SORCS2: variants seen among roughly 807,000 people sequenced by gnomAD.
SORCS2 encodes the protein sortilin related VPS10 domain containing receptor 2.
A neutral mutation model predicts 141.6 loss-of-function variants in SORCS2; 100 were observed. The observed-to-expected ratio is 0.71, with a 90% CI of 0.60 to 0.83. SORCS2 has a LOEUF of 0.83. Among genes scored for constraint, SORCS2 ranks in the 40% least tolerant of loss-of-function variants. SORCS2 has a pLI of 0.00. For missense variants in SORCS2, 1,646 were observed against 1,560.2 expected (o/e 1.05, Z -0.93); for synonymous variants, 789 against 676.9 (o/e 1.17, Z -2.57).
intron 1 of SORCS2, among the ~76,000 whole-genome samples, chr4:7,378,374 G>C (rs1040972096): frequency 2.0e-5 from 3 of 150,802 alleles, no homozygotes; most frequent in Admixed American, 2.0e-4. Flanking sequence ...AATTTATAAA[G>C]AAAAGAGGGA....
chr4:7,292,949 G>C (rs1310803948), intron 1 of SORCS2, among the ~76,000 whole-genome samples: 2 of 152,234 alleles, frequency 1.3e-5, no homozygotes, highest in African/African-American at 4.8e-5. Context: ...GATAGTGTCT[G>C]CTGGGTTACC....
intron 2 of SORCS2, among the ~76,000 whole-genome samples, chr4:7,459,848 C>T (rs542190093): frequency 6.6e-6 from 1 of 152,322 alleles, no homozygotes; most frequent in African/African-American, 2.4e-5. Flanking sequence ...CCAGGGCCAT[C>T]CACTTTGGGG....
At chr4:7,304,829 C>T (rs1717674973) in intron 1 of SORCS2, among the ~76,000 whole-genome samples, 1 of 152,204 alleles carries the variant, frequency 6.6e-6, no homozygotes. Context: ...GCTTCCTGCT[C>T]CCTCTTCTCC....
intron 12 of SORCS2, among the ~76,000 whole-genome samples, chr4:7,698,786 G>A (rs1476603868): frequency 1.3e-5 from 2 of 152,246 alleles, no homozygotes; most frequent in African/African-American, 4.8e-5. Flanking sequence ...CCTGGCTGGC[G>A]GTACAGGACA....
rs145920180 is a variant in SORCS2 at position 7,426,989 on chromosome 4, G to C, written c.548+30634G>C. Among the ~76,000 whole-genome samples the C allele has an allele frequency of 5.3e-3, 811 of 152,310 alleles. 5 individuals are homozygous for C. The highest frequency in any genetic ancestry group is 0.019 in the African/African-American group (786 of 41,566). On this transcript the variant is annotated intron_variant, in intron 2 of 26. Coordinates refer to ENST00000507866, the MANE Select transcript of SORCS2 (RefSeq NM_020777.3). ...TTCCTGGGGCAGCCATGGAGGCTGG[G>C]CCCCTCCCACCAAGGAAGGGCTTAG...
At chr4:7,598,717 A>G (rs1384156176) in intron 3 of SORCS2, among the ~76,000 whole-genome samples, 1 of 152,172 alleles carries the variant, frequency 6.6e-6, no homozygotes, top group Non-Finnish European at 1.5e-5. Context: ...ACCTCACGCA[A>G]TGGCTTCTGT....
At chr4:7,400,845 AGATGGATG>A (rs914997280) in intron 2 of SORCS2, among the ~76,000 whole-genome samples, 1 of 144,132 alleles carries the variant, frequency 6.9e-6, no homozygotes, top group Non-Finnish European at 1.5e-5. Context: ...GTGGATGGGG[AGATGGATG>A]GATGGATGGA....
At chr4:7,298,396 C>T (rs1024711426) in intron 1 of SORCS2, among the ~76,000 whole-genome samples, 2 of 152,148 alleles carry the variant, frequency 1.3e-5, no homozygotes, top group African/African-American at 4.8e-5. Flanking sequence ...GGAGTAATTT[C>T]AGAGGCCAGG....
intron 1 of SORCS2, among the ~76,000 whole-genome samples, chr4:7,379,471 T>A (rs1378951278): frequency 6.6e-6 from 1 of 152,186 alleles, no homozygotes; most frequent in African/African-American, 2.4e-5. Context: ...GTTGTGCACA[T>A]GGAAAGGCTG....
At chr4:7,677,858 C>G (rs1035174927) in intron 9 of SORCS2, among the ~76,000 whole-genome samples, 2 of 152,220 alleles carry the variant, frequency 1.3e-5, no homozygotes, top group East Asian at 1.9e-4. Flanking sequence ...CGCCCACCCC[C>G]ACCCCTAGTG....
chr4:7,253,567 G>T (rs537042156), intron 1 of SORCS2, among the ~76,000 whole-genome samples: 2 of 152,218 alleles, frequency 1.3e-5, no homozygotes, highest in African/African-American at 4.8e-5. Flanking sequence ...TGTCCAGGGG[G>T]CAGGTGGCCA....
chr4:7,617,134 T>G (rs1443454229), intron 3 of SORCS2, among the ~76,000 whole-genome samples: 1 of 152,176 alleles, frequency 6.6e-6, no homozygotes, highest in Non-Finnish European at 1.5e-5. Context: ...CCCTGTAGTA[T>G]TCTATCCGTC....
Position 7,422,971 on chromosome 4 carries a change from C to T in SORCS2, c.548+26616C>T, listed in dbSNP as rs565065457. On this transcript the variant is annotated intron_variant, in intron 2 of 26. Coordinates refer to ENST00000507866, the MANE Select transcript of SORCS2 (RefSeq NM_020777.3). Reference sequence around the variant, plus strand: ...ATCTCTAAAGGCCCTAGTATGTACCCGCCCCAGCACCTGCCACCCCTCCCC... The same window carrying T: ...ATCTCTAAAGGCCCTAGTATGTACCTGCCCCAGCACCTGCCACCCCTCCCC... 6.1e-4 allele frequency among the ~76,000 whole-genome samples: 92 copies of T among 151,960 alleles called. 1 individual carries two copies. Among genetic ancestry groups the T allele is most frequent in the African/African-American group, 2.1e-3 (87 of 41,430 alleles).
chr4:7,221,832 T>C (rs534232935), intron 1 of SORCS2, among the ~76,000 whole-genome samples: 6 of 152,282 alleles, frequency 3.9e-5, no homozygotes, highest in Admixed American at 1.3e-4. Flanking sequence ...TAAGCATATA[T>C]TTAAGGAGTA....
At chr4:7,489,719 C>T (rs1731201603) in intron 2 of SORCS2, among the ~76,000 whole-genome samples, 1 of 150,864 alleles carries the variant, frequency 6.6e-6, no homozygotes, top group Non-Finnish European at 1.5e-5. Context: ...GTAAATGCTG[C>T]ATTTCTGATG....
intron 1 of SORCS2, among the ~76,000 whole-genome samples, chr4:7,225,292 CTGTGAACTGTGAGCG>C (rs1443507491): frequency 6.6e-6 from 1 of 152,218 alleles, no homozygotes; most frequent in Non-Finnish European, 1.5e-5. Context: ...GCCCACTGGA[CTGTGAACTGTGAGCG>C]AAGGGACCAA....
chr4:7,266,273 C>T (rs890717694), intron 1 of SORCS2, among the ~76,000 whole-genome samples: 6 of 152,150 alleles, frequency 3.9e-5, no homozygotes, highest in Non-Finnish European at 8.8e-5. Flanking sequence ...ATTCAGAGTC[C>T]CTCCGTGGAA....
At chr4:7,566,651 C>T (rs1306307748) in intron 3 of SORCS2, among the ~76,000 whole-genome samples, 1 of 152,246 alleles carries the variant, frequency 6.6e-6, no homozygotes, top group Non-Finnish European at 1.5e-5. Flanking sequence ...GGTGGTCCCC[C>T]CTTTGGCTTG....
chr4:7,361,383 G>A (rs528755132), intron 1 of SORCS2, among the ~76,000 whole-genome samples: 12 of 152,272 alleles, frequency 7.9e-5, no homozygotes, highest in Admixed American at 3.9e-4. Context: ...TGGTGACAGC[G>A]CACTCCTTGG....
Sources: gnomAD v4.1 joint callset for allele counts (sites outside exome capture counted in the v4.1 genomes callset) on GRCh38, gnomAD v4.1.1 for gene constraint, MANE v1.5 for transcripts, NCBI Gene and HGNC (gene_info 2026-07-23, HGNC 2026-07-21) for gene names.